Variants in ZNF718 observed in about 807,000 individuals in gnomAD.
The protein encoded by ZNF718 is zinc finger protein 718.
Under a neutral mutation model 2.6 loss-of-function variants are expected in ZNF718, and 3 were observed. The observed-to-expected ratio is 1.16, with a 90% CI of 0.53 to 3.01. The LOEUF (loss-of-function observed/expected upper bound fraction) is 3.01. Among genes scored for constraint, ZNF718 ranks in the 30% most tolerant of loss-of-function variants. The pLI is 0.03. For synonymous variants in ZNF718, 135 were observed against 77.9 expected (o/e 1.73, Z -3.86); for missense variants, 468 against 230.0 (o/e 2.03, Z -6.69).
At position 131,399 on chromosome 4, in the gene ZNF718, T is replaced by A. The variant is rs1207476065; in HGVS notation, c.131-11T>A. On this transcript the variant is annotated splice_polypyrimidine_tract_variant and intron_variant, in intron 2 of 3. Transcript: ENST00000510175. Reference sequence around the variant, plus strand: ...GCAATAGTCATGTTAATTTTTTTTTTAATAAAACAGGTGTTAGTATCTCTA... The same window carrying A: ...GCAATAGTCATGTTAATTTTTTTTTAAATAAAACAGGTGTTAGTATCTCTA... The A allele has an allele frequency of 4.5e-5, 19 of 422,308 alleles. 6 individuals are homozygous for A. The highest frequency in any genetic ancestry group is 3.8e-4 in the African/African-American group (15 of 39,110). 26.2% of individuals were successfully genotyped at this position (422,308 alleles called of 1,614,324 possible).
chr4:175,973 C>T (rs1422463378), intron 3 of ZNF718, among the ~76,000 whole-genome samples: 1 of 151,052 alleles, frequency 6.6e-6, no homozygotes, highest in Non-Finnish European at 1.5e-5. Context: ...TCTCCTGCCT[C>T]AGCCTCCCAA....
rs782658665 is a variant in ZNF718 at position 174,908 on chromosome 4, C to G, written c.227-26173C>G. On this transcript the variant is annotated intron_variant and NMD_transcript_variant, in intron 3 of 4. Coordinates refer to the ZNF718 transcript ENST00000642529. ...CAGTCCTCCTGAAGGCCATAACCTT[C>G]TGGGAATGTAGAAAGAACTAATCGA... 1.6e-4 allele frequency among the ~76,000 whole-genome samples: 24 copies of G among 152,306 alleles called. No homozygotes were observed. In the Middle Eastern group the frequency reaches 0.01, roughly 65 times the overall value.
intron 3 of ZNF718, among the ~76,000 whole-genome samples, chr4:194,629 T>A (rs1266883519): frequency 2.6e-5 from 4 of 152,234 alleles, no homozygotes; most frequent in Non-Finnish European, 5.9e-5. Context: ...TATCTCTCCA[T>A]GTCAGATCAA....
At chr4:195,586 T>G (rs1717774559) in intron 3 of ZNF718, among the ~76,000 whole-genome samples, 3 of 109,258 alleles carry the variant, frequency 2.7e-5, no homozygotes, top group Admixed American at 2.4e-4. Flanking sequence ...ACGTTTTTGC[T>G]TTTTTTTTTT....
intron 3 of ZNF718, among the ~76,000 whole-genome samples, chr4:172,635 C>CT (rs1412027209): frequency 1.3e-5 from 2 of 152,082 alleles, no homozygotes; most frequent in African/African-American, 4.8e-5. Context: ...AGAAATAACT[C>CT]TTGTCTATTA....
In ZNF718 at chr4:161,688, G is replaced by A. The variant is rs548078149; in HGVS notation, c.1003G>A (p.Gly335Arg). Residue 335 changes from glycine to arginine, a missense_variant, in exon 4 of 4, where the codon GGA becomes AGA. Transcript: ENST00000510175. ...DFAKHKRIHT[G>R]EKPYKCEECG... ...TGCTAAACATAAGAGAATTCATACAGGAGAGAAACCCTACAAATGTGAAGA... is the reference window on the plus strand; with the variant it reads ...TGCTAAACATAAGAGAATTCATACAAGAGAGAAACCCTACAAATGTGAAGA... The A allele has an allele frequency of 1.3e-6, 1 of 778,902 alleles. No individual in the cohort carries two copies. Among genetic ancestry groups the A allele is most frequent in the Admixed American group, 1.7e-5 (1 of 58,582 alleles). 48.2% of individuals were successfully genotyped at this position (778,902 alleles called of 1,614,324 possible). A position where few individuals can be genotyped will look rare whatever the true frequency, so the allele number is the denominator to read the frequency against.
rs1717282207 is a variant in ZNF718 at position 173,514 on chromosome 4, A to G, written c.227-27567A>G. 2.6e-5 allele frequency among the ~76,000 whole-genome samples: 4 copies of G among 152,232 alleles called. No homozygotes were observed. The South Asian group carries it at 6.2e-4, about 24-fold the overall frequency. ...TAGTCCTGACAAGAGCCCTAGAACT[A>G]GGAAAGAAACCAATAGTTACTATTT... On this transcript the variant is annotated intron_variant and NMD_transcript_variant, in intron 3 of 4. Transcript: ENST00000642529.
At position 161,731 on chromosome 4, in the gene ZNF718, A is replaced by G. The variant is rs1188884629; in HGVS notation, c.1046A>G (p.Asn349Ser). The G allele has an allele frequency of 1.3e-6, 1 of 779,282 alleles. No homozygotes were observed. Among genetic ancestry groups the G allele is most frequent in the Admixed American group, 1.7e-5 (1 of 58,696 alleles). The allele number at this position is 779,282 out of a possible 1,614,324, so 48.3% of individuals were successfully genotyped here. The change falls in exon 4 of 4, where the codon AAT becomes AGT. Residue 349 changes from asparagine to serine, a missense_variant. Coordinates refer to ENST00000510175, the MANE Select transcript of ZNF718 (RefSeq NM_001039127.6). ...TGTGAAGAATGTGGAAAATCCTTTAATAGGTCCACAACTCTTACGACACAT... is the reference window on the plus strand; with the variant it reads ...TGTGAAGAATGTGGAAAATCCTTTAGTAGGTCCACAACTCTTACGACACAT... ...YKCEECGKSF[N>S]RSTTLTTHKR...
At chr4:143,478 G>A (rs1715903590) in intron 3 of ZNF718, among the ~76,000 whole-genome samples, 1 of 152,194 alleles carries the variant, frequency 6.6e-6, no homozygotes, top group South Asian at 2.1e-4. Flanking sequence ...GAGCCAGTGT[G>A]CACGGCCAAG....
chr4:189,488 C>T (rs1717651558), intron 3 of ZNF718, among the ~76,000 whole-genome samples: 2 of 151,710 alleles, frequency 1.3e-5, no homozygotes, highest in African/African-American at 4.9e-5. Context: ...ATATTAATCT[C>T]GTATTTTGTG....
At chr4:173,501 G>T (rs1717282153) in intron 3 of ZNF718, among the ~76,000 whole-genome samples, 1 of 152,104 alleles carries the variant, frequency 6.6e-6, no homozygotes, top group Admixed American at 6.6e-5. Flanking sequence ...GTCCTGACAA[G>T]AGCCCTAGAA....
intron 3 of ZNF718, among the ~76,000 whole-genome samples, chr4:200,751 C>A (rs979077507): frequency 1.3e-5 from 2 of 152,052 alleles, no homozygotes; most frequent in African/African-American, 4.8e-5. Flanking sequence ...TAGTTGTTTT[C>A]ATCAAGAGCA....
At position 137,982 on chromosome 4, in the gene ZNF718, T is replaced by G. The variant is rs1471982191; in HGVS notation, c.226+6477T>G. 3.3e-5 allele frequency among the ~76,000 whole-genome samples: 5 copies of G among 152,202 alleles called. No individual in the cohort carries two copies. The East Asian group carries it at 9.6e-4, about 29-fold the overall frequency. On this transcript the variant is annotated intron_variant, in intron 3 of 3. Transcript: ENST00000510175. ...TATTTAATTTATTCAAGATAGTTTT[T>G]GTATATGGTTCAGGATTTTAAATTT...
chr4:200,651 A>T (rs1029535709), intron 3 of ZNF718, among the ~76,000 whole-genome samples: 6 of 152,094 alleles, frequency 3.9e-5, no homozygotes, highest in African/African-American at 1.2e-4. Context: ...AGTAAATATT[A>T]TTTGGCATTA....
At chr4:170,655 G>T (rs1316188738) in intron 3 of ZNF718, among the ~76,000 whole-genome samples, 1 of 152,094 alleles carries the variant, frequency 6.6e-6, no homozygotes, top group Admixed American at 6.6e-5. Context: ...ACTGAGGTTT[G>T]TGCGTTCGTC....
At chr4:142,365 T>C (rs1490887775) in intron 3 of ZNF718, among the ~76,000 whole-genome samples, 4 of 152,220 alleles carry the variant, frequency 2.6e-5, no homozygotes, top group East Asian at 1.9e-4. Context: ...GCCAGCCTTA[T>C]ATATGGATAA....
At chr4:168,591 G>C (rs1427548024), downstream of ZNF718, among the ~76,000 whole-genome samples, 1 of 152,160 alleles carries the variant, frequency 6.6e-6, no homozygotes, top group Non-Finnish European at 1.5e-5. Flanking sequence ...GAGGGTGTCT[G>C]TGTTGAGGAA....
chr4:148,831 C>G (rs1015487961), intron 3 of ZNF718, among the ~76,000 whole-genome samples: 1 of 152,008 alleles, frequency 6.6e-6, no homozygotes, highest in African/African-American at 2.4e-5. Context: ...ATGAATTCTC[C>G]TAAGTGTCTT....
intron 3 of ZNF718, among the ~76,000 whole-genome samples, chr4:181,345 C>G (rs1339613348): frequency 6.6e-6 from 1 of 151,510 alleles, no homozygotes; most frequent in African/African-American, 2.4e-5. Context: ...TGTGTAATAC[C>G]TAAGATATTT....
Sources: gnomAD v4.1 joint callset for allele counts (sites outside exome capture counted in the v4.1 genomes callset) on GRCh38, gnomAD v4.1.1 for gene constraint, MANE v1.5 for transcripts, NCBI Gene and HGNC (gene_info 2026-07-23, HGNC 2026-07-21) for gene names.